The following DENND1B variants were observed in gnomAD, a reference collection of about 807,000 sequenced individuals.
DENND1B encodes the protein DENN domain containing 1B, also known as DENN domain-containing protein 1B.
In DENND1B, 59 loss-of-function variants were observed where a neutral mutation model predicts 90.1. The observed-to-expected ratio is 0.65, with a 90% CI of 0.53 to 0.81. DENND1B has a LOEUF of 0.81. Among genes scored for constraint, DENND1B ranks in the 40% least tolerant of loss-of-function variants. The pLI is 0.00. For missense variants in DENND1B, 862 were observed against 912.6 expected (o/e 0.94, Z 0.71); for synonymous variants, 337 against 324.6 (o/e 1.04, Z -0.41).
At chr1:197,567,263 C>A (rs1010923710) in intron 15 of DENND1B, among the ~76,000 whole-genome samples, 15 of 151,736 alleles carry the variant, frequency 9.9e-5, no homozygotes, top group African/African-American at 3.6e-4. Context: ...ATTGAATAAC[C>A]CAGAAGAAAT....
At chr1:197,764,194 A>G (rs1655429120) in intron 2 of DENND1B, among the ~76,000 whole-genome samples, 1 of 152,208 alleles carries the variant, frequency 6.6e-6, no homozygotes, top group South Asian at 2.1e-4. Flanking sequence ...CTTACTCTTA[A>G]GTCTGTGTGC....
intron 14 of DENND1B, among the ~76,000 whole-genome samples, chr1:197,586,912 T>C (rs907181325): frequency 1.3e-5 from 2 of 152,094 alleles, no homozygotes; most frequent in African/African-American, 2.4e-5. Flanking sequence ...TCTTTTTCAA[T>C]GGTGAGAGGT....
At chr1:197,672,231 T>C (rs1655584604) in intron 4 of DENND1B, 75 bp from the exon 5 acceptor site, 1 of 1,475,280 alleles carries the variant, frequency 6.8e-7, no homozygotes, top group Admixed American at 2.3e-5. Flanking sequence ...AATAAGAGTA[T>C]ATTTATATGT....
At chr1:197,682,586 G>T (rs977327049) in intron 3 of DENND1B, among the ~76,000 whole-genome samples, 9 of 152,204 alleles carry the variant, frequency 5.9e-5, no homozygotes, top group African/African-American at 2.2e-4. Flanking sequence ...AAATAGTAGG[G>T]ACTCTAGAAG....
chr1:197,632,797 T>A (rs560132402), intron 10 of DENND1B, among the ~76,000 whole-genome samples: 1 of 152,188 alleles, frequency 6.6e-6, no homozygotes, highest in Non-Finnish European at 1.5e-5. Flanking sequence ...TGGGGTACCA[T>A]ATGCCACTGA....
intron 15 of DENND1B, among the ~76,000 whole-genome samples, chr1:197,573,118 GT>G (rs916098377): frequency 6.6e-6 from 1 of 152,008 alleles, no homozygotes; most frequent in Admixed American, 6.5e-5. Context: ...TTTTTGAAGG[GT>G]TTTTTTGGTC....
At chr1:197,602,581 G>A (rs1184041681) in intron 13 of DENND1B, among the ~76,000 whole-genome samples, 2 of 150,984 alleles carry the variant, frequency 1.3e-5, no homozygotes, top group Non-Finnish European at 3.0e-5. Context: ...TATTCTCTGG[G>A]GCCCTTTTTT....
At chr1:197,772,765 T>C (rs913391840) in intron 2 of DENND1B, 103 bp downstream of exon 2, 15 of 955,564 alleles carry the variant, frequency 1.6e-5, no homozygotes, top group Admixed American at 2.8e-5. Context: ...GGAGAGGTTG[T>C]GGTGAGCCCT....
chr1:197,637,495 A>G (rs1679898471), intron 10 of DENND1B, among the ~76,000 whole-genome samples: 1 of 152,146 alleles, frequency 6.6e-6, no homozygotes, highest in African/African-American at 2.4e-5. Flanking sequence ...TCACTACAGG[A>G]GTTGGAAGAT....
chr1:197,547,784 A>T (rs1670924898), intron 16 of DENND1B, among the ~76,000 whole-genome samples: 1 of 151,582 alleles, frequency 6.6e-6, no homozygotes, highest in African/African-American at 2.4e-5. Flanking sequence ...AAACATTCCA[A>T]GTTATTCTAC....
At chr1:197,690,591 G>T in intron 3 of DENND1B, 1 of 242,994 alleles carries the variant, frequency 4.1e-6, no homozygotes, top group Non-Finnish European at 8.0e-6. Flanking sequence ...TGCTAGAGTT[G>T]GGAAGGTCAG....
At chr1:197,539,899 AATAATTTACTGGAATT>A in intron 20 of DENND1B, 49 bp downstream of exon 20, 1 of 1,337,836 alleles carries the variant, frequency 7.5e-7, no homozygotes. Context: ...ATTGTTCCTA[AATAATTTACTGGAATT>A]ATATAATTTG....
intron 13 of DENND1B, among the ~76,000 whole-genome samples, chr1:197,599,611 T>A (rs1399003935): frequency 6.6e-6 from 1 of 151,976 alleles, no homozygotes; most frequent in East Asian, 1.9e-4. Context: ...ATGTTATAGT[T>A]ATCACATGAA....
In DENND1B at chr1:197,775,406, G is replaced by C. The variant is rs868210735; in HGVS notation, c.-251C>G. ...GTGGCCGCCGCCCCCGTCTCCGCCG[G>C]TAGCCGCCACCAAAGCTGAGGCCTC... On this transcript the variant is annotated 5_prime_UTR_variant, in exon 1 of 23. Coordinates refer to ENST00000620048, the MANE Select transcript of DENND1B (RefSeq NM_001195215.2). 13 of 324,556 alleles carry C rather than the reference G, an allele frequency of 4.0e-5. No homozygotes were observed. The highest frequency in any genetic ancestry group is 9.9e-5 in the Admixed American group (2 of 20,246). The allele number at this position is 324,556 out of a possible 1,614,324, so 20.1% of individuals were successfully genotyped here.
chr1:197,547,542 A>T (rs1670907643), intron 16 of DENND1B, among the ~76,000 whole-genome samples: 1 of 152,180 alleles, frequency 6.6e-6, no homozygotes, highest in Admixed American at 6.5e-5. Context: ...TCAAAAAACA[A>T]TTTTTATTCT....
At chr1:197,677,300 T>C (rs1656182729) in intron 3 of DENND1B, among the ~76,000 whole-genome samples, 1 of 152,200 alleles carries the variant, frequency 6.6e-6, no homozygotes, top group Non-Finnish European at 1.5e-5. Flanking sequence ...TCTCTTAGTC[T>C]TGTAGTTTAG....
intron 5 of DENND1B, among the ~76,000 whole-genome samples, chr1:197,666,263 A>C (rs969501493): frequency 5.0e-4 from 76 of 152,316 alleles, no homozygotes; most frequent in African/African-American, 1.6e-3. Context: ...TTTTCAATTT[A>C]TGAACTGCTT....
rs143034834 is a variant in DENND1B, at chr1:197,734,283, A to C, written c.83-19209T>G. On this transcript the variant is annotated intron_variant, in intron 2 of 22. Coordinates refer to ENST00000620048, the MANE Select transcript of DENND1B (RefSeq NM_001195215.2). ...ATCTGTAAATTTTTTAACCTGTAAA[A>C]AGTTAAACACATTAGATAAATTTAA... 198 of 936,952 alleles carry C rather than the reference A, an allele frequency of 2.1e-4. 2 individuals carry two copies. The African/African-American group carries it at 3.4e-3, about 16-fold the overall frequency. The allele number at this position is 936,952 out of a possible 1,614,324, so 58.0% of individuals were successfully genotyped here. A position where few individuals can be genotyped will look rare whatever the true frequency, so the allele number is the denominator to read the frequency against.
At chr1:197,664,914 AT>A (rs1391181555) in intron 5 of DENND1B, among the ~76,000 whole-genome samples, 3 of 152,126 alleles carry the variant, frequency 2.0e-5, no homozygotes, top group Non-Finnish European at 4.4e-5. Flanking sequence ...GGAGTATTTC[AT>A]TTTGAACCCT....
Sources: gnomAD v4.1 joint callset for allele counts (sites outside exome capture counted in the v4.1 genomes callset) on GRCh38, gnomAD v4.1.1 for gene constraint, MANE v1.5 for transcripts, NCBI Gene and HGNC (gene_info 2026-07-23, HGNC 2026-07-21) for gene names.